The following TMTC1 variants were observed in gnomAD, a reference collection of about 807,000 sequenced individuals.
TMTC1 encodes the protein protein O-mannosyl-transferase TMTC1.
TMTC1 carries 73 observed loss-of-function variants against 104.8 expected under a neutral mutation model. That is an observed-to-expected ratio of 0.70 (90% CI 0.58 to 0.85). The LOEUF (loss-of-function observed/expected upper bound fraction) is 0.85. TMTC1 is among the 40% of genes least tolerant of loss of function. TMTC1 has a pLI of 0.00. For synonymous variants in TMTC1, 434 were observed against 428.7 expected, an observed-to-expected ratio of 1.01 and a Z score of -0.15; for missense variants, 1,035 against 1,096.1, an observed-to-expected ratio of 0.94 and a Z score of 0.79.
At chr12:29,768,206 A>G (rs572704149) in intron 1 of TMTC1, 131 bp from the exon 2 acceptor site, 56 of 734,674 alleles carry the variant, frequency 7.6e-5, no homozygotes, top group Non-Finnish European at 1.1e-4. Flanking sequence ...GATTCCCAAC[A>G]TTGGGTTATT....
intron 10 of TMTC1, among the ~76,000 whole-genome samples, chr12:29,554,509 G>A (rs1354590547): frequency 1.3e-5 from 2 of 152,138 alleles, no homozygotes; most frequent in African/African-American, 4.8e-5. Context: ...GTGTATTAAG[G>A]TGGGTCAAAG....
chr12:29,564,244 G>A (rs1945451226), intron 9 of TMTC1, among the ~76,000 whole-genome samples: 1 of 152,162 alleles, frequency 6.6e-6, no homozygotes, highest in Non-Finnish European at 1.5e-5. Flanking sequence ...TGGGTAGATG[G>A]CTCTGATCAT....
chr12:29,687,994 G>A (rs1157925591), intron 5 of TMTC1, among the ~76,000 whole-genome samples: 5 of 152,268 alleles, frequency 3.3e-5, no homozygotes, highest in East Asian at 1.9e-4. Flanking sequence ...TATGAATTTT[G>A]GGGGAACGTA....
intron 1 of TMTC1, among the ~76,000 whole-genome samples, chr12:29,778,992 G>A (rs1565831350): frequency 6.6e-6 from 1 of 152,200 alleles, no homozygotes. Flanking sequence ...TAAAATACAT[G>A]TCTGTTTTCC....
At chr12:29,572,487 A>C (rs1945706819) in intron 8 of TMTC1, among the ~76,000 whole-genome samples, 1 of 152,214 alleles carries the variant, frequency 6.6e-6, no homozygotes, top group Non-Finnish European at 1.5e-5. Context: ...TTAGCATATA[A>C]ACATAGGACC....
intron 15 of TMTC1, 103 bp downstream of exon 15, chr12:29,516,246 T>G (rs772036118): frequency 3.0e-5 from 42 of 1,412,644 alleles, no homozygotes; most frequent in Non-Finnish European, 3.9e-5. Context: ...GGATAAGATT[T>G]AAGATTTCCC....
rs371388157 is a variant in TMTC1, at chr12:29,575,409, A to T, written c.1419-3191T>A. On this transcript the variant is annotated intron_variant, in intron 8 of 17. Transcript: ENST00000539277. Reference sequence around the variant, plus strand: ...ATTTCAAGGTCAGATTAAGAGGAGAATTCCATACAATGTGTTAAAGCCGTT... The same window carrying T: ...ATTTCAAGGTCAGATTAAGAGGAGATTTCCATACAATGTGTTAAAGCCGTT... Among the ~76,000 whole-genome samples the T allele has an allele frequency of 4.1e-4, 63 of 152,154 alleles. No individual in the cohort carries two copies. The South Asian group carries it at 0.013, about 32-fold the overall frequency.
At chr12:29,626,165 G>A (rs1197157045) in intron 6 of TMTC1, among the ~76,000 whole-genome samples, 1 of 152,194 alleles carries the variant, frequency 6.6e-6, no homozygotes, top group African/African-American at 2.4e-5. Flanking sequence ...AGTGGGGCAA[G>A]TTCTTAGTGA....
chr12:29,577,901 C>T (rs1367183776), intron 8 of TMTC1, among the ~76,000 whole-genome samples: 1 of 151,846 alleles, frequency 6.6e-6, no homozygotes, highest in Non-Finnish European at 1.5e-5. Flanking sequence ...TCCAGGTAAG[C>T]GTATTAGTAA....
At chr12:29,737,258 C>G (rs930838775) in intron 5 of TMTC1, among the ~76,000 whole-genome samples, 4 of 152,314 alleles carry the variant, frequency 2.6e-5, no homozygotes, top group Admixed American at 2.6e-4. Context: ...GTGGCTCACG[C>G]CTGTAATCCC....
At position 29,773,811 on chromosome 12, in the gene TMTC1, C is replaced by T. The variant is rs1049710954; in HGVS notation, c.303-5736G>A. ...TCACCTTGTCTTTGGCAGCTAAGCT[C>T]TGCCACTTGGTCTTTGGTACTCCAG... is the stretch of plus-strand genomic sequence containing the variant. On this transcript the variant is annotated intron_variant, in intron 1 of 17. Transcript: ENST00000539277. Among the ~76,000 whole-genome samples, 3 of 152,168 alleles carry T rather than the reference C, an allele frequency of 2.0e-5. No individual in the cohort carries two copies. The East Asian group carries it at 5.8e-4, about 29-fold the overall frequency.
At chr12:29,707,845 C>T (rs1187199312) in intron 5 of TMTC1, among the ~76,000 whole-genome samples, 1 of 152,102 alleles carries the variant, frequency 6.6e-6, no homozygotes, top group Non-Finnish European at 1.5e-5. Context: ...AGTTTAAATA[C>T]GGTCCTCTCT....
intron 9 of TMTC1, among the ~76,000 whole-genome samples, chr12:29,557,774 T>C (rs1458468971): frequency 2.6e-5 from 4 of 152,176 alleles, no homozygotes; most frequent in Non-Finnish European, 5.9e-5. Flanking sequence ...GATTAGAGCA[T>C]TGGTAAGACT....
intron 1 of TMTC1, among the ~76,000 whole-genome samples, chr12:29,778,123 C>A (rs10843507): frequency 0.61 from 91,960 of 151,970 alleles, 28,320 homozygotes; most frequent in South Asian, 0.72. Context: ...TTTAAACCAC[C>A]CACTTTCACT....
intron 5 of TMTC1, among the ~76,000 whole-genome samples, chr12:29,704,207 T>G (rs1941678910): frequency 1.3e-5 from 2 of 152,226 alleles, no homozygotes; most frequent in Non-Finnish European, 2.9e-5. Context: ...AATCTATTCT[T>G]GGTTTTCAAA....
chr12:29,545,377 C>T (rs1327400390), intron 10 of TMTC1, among the ~76,000 whole-genome samples: 1 of 152,288 alleles, frequency 6.6e-6, no homozygotes, highest in East Asian at 1.9e-4. Flanking sequence ...CAATGGCTCA[C>T]GCCTATAATC....
intron 6 of TMTC1, among the ~76,000 whole-genome samples, chr12:29,620,726 A>G (rs918352899): frequency 6.6e-6 from 1 of 152,250 alleles, no homozygotes; most frequent in Non-Finnish European, 1.5e-5. Flanking sequence ...GCTTTGGAGC[A>G]TGGCCTATGG....
chr12:29,538,783 T>C (rs1198686205), intron 10 of TMTC1, among the ~76,000 whole-genome samples: 1 of 152,214 alleles, frequency 6.6e-6, no homozygotes, highest in African/African-American at 2.4e-5. Context: ...CCAAAAATCC[T>C]GTGAGAGACT....
chr12:29,537,131 T>C (rs1240974162), intron 10 of TMTC1, among the ~76,000 whole-genome samples: 3 of 152,204 alleles, frequency 2.0e-5, no homozygotes, highest in Non-Finnish European at 4.4e-5. Context: ...ATTAATACAA[T>C]TCCACAGACA....
Sources: allele counts gnomAD v4.1 joint callset (sites outside exome capture counted in the v4.1 genomes callset), GRCh38; gene constraint gnomAD v4.1.1; transcripts MANE v1.5; gene names NCBI Gene and HGNC (gene_info 2026-07-23, HGNC 2026-07-21).